The following AIMP1 variants were observed in gnomAD, a reference collection of about 807,000 sequenced individuals.
The protein encoded by AIMP1 is aminoacyl tRNA synthetase complex interacting multifunctional protein 1, also known as aminoacyl tRNA synthase complex-interacting multifunctional protein 1.
AIMP1 carries 24 observed loss-of-function variants against 33.1 expected under a neutral mutation model. That is an observed-to-expected ratio of 0.73 (90% CI 0.53 to 1.02). AIMP1 has a LOEUF of 1.02. Ranked by LOEUF, AIMP1 falls within the 50% of genes least tolerant of loss-of-function variation. The pLI is 0.00. For synonymous variants in AIMP1, 120 were observed against 121.5 expected, an observed-to-expected ratio of 0.99 and a Z score of 0.08; for missense variants, 367 against 364.8, an observed-to-expected ratio of 1.01 and a Z score of -0.05.
chr4:106,331,382 CTTTA>C (rs759364913), intron 4 of AIMP1, among the ~76,000 whole-genome samples: 1 of 152,134 alleles, frequency 6.6e-6, no homozygotes, highest in East Asian at 1.9e-4. Flanking sequence ...TCCAGTAAAA[CTTTA>C]TTTATGAAAA....
In AIMP1 at chr4:106,336,902, C is replaced by T; in HGVS notation, c.637C>T (p.Leu213=). The T allele has an allele frequency of 6.2e-7, 1 of 1,614,006 alleles. No individual in the cohort carries two copies. The highest frequency in any genetic ancestry group is 1.3e-5 in the African/African-American group (1 of 75,018). Residue 213 remains leucine, a synonymous_variant, in exon 6 of 7, where the codon CTG becomes TTG. Coordinates refer to ENST00000672341, the MANE Select transcript of AIMP1 (RefSeq NM_001142416.2). ...QNRMVILLCN[L]KPAKMRGVLS... is the part of the protein sequence containing the mutation. The stretch of plus-strand genomic sequence containing the variant: ...TCGGATGGTGATTTTACTTTGTAAC[C>T]TGAAACCTGCAAAGATGAGGGGAGT...
rs985297234 is a variant in AIMP1 at position 106,337,112 on chromosome 4, A to C, written c.772+75A>C. On this transcript the variant is annotated intron_variant, in intron 6 of 6. Transcript: ENST00000672341. ...GTGATGTTTGTAATGCTTAAAGGTTAAAATCAGTCCTGTGTAAGAATCATG... is the reference window on the plus strand; with the variant it reads ...GTGATGTTTGTAATGCTTAAAGGTTCAAATCAGTCCTGTGTAAGAATCATG... 2.3e-6 allele frequency: 3 copies of C among 1,317,856 alleles called. No individual in the cohort carries two copies. The South Asian group carries it at 3.5e-5, about 16-fold the overall frequency. 81.6% of individuals were successfully genotyped at this position (1,317,856 alleles called of 1,614,324 possible).
chr4:106,323,325 T>A (rs970426254), intron 1 of AIMP1, among the ~76,000 whole-genome samples: 5 of 152,140 alleles, frequency 3.3e-5, no homozygotes, highest in Admixed American at 3.3e-4. Context: ...CATGAGTTTC[T>A]TTTTTTGATT....
intron 3 of AIMP1, 53 bp downstream of exon 3, chr4:106,327,617 C>A: frequency 1.5e-6 from 2 of 1,308,704 alleles, no homozygotes; most frequent in Non-Finnish European, 2.2e-6. Flanking sequence ...GTTGGCCAGT[C>A]ACACCAACAG....
chr4:106,320,184 A>G (rs186088138), intron 1 of AIMP1, among the ~76,000 whole-genome samples: 2 of 152,232 alleles, frequency 1.3e-5, no homozygotes, highest in East Asian at 1.9e-4. Context: ...GAAAAATCAC[A>G]GGGGAGTAAT....
chr4:106,347,629 C>G lies in AIMP1; in HGVS notation c.876C>G (p.Pro292=), dbSNP rs1179072776. Residue 292 remains proline, a synonymous_variant, in exon 7 of 7, where the codon CCC becomes CCG. Transcript: ENST00000672341. ...DECVATYKGV[P]FEVKGKGVCR... ...GTGTGGCTACATACAAAGGAGTTCC[C>G]TTTGAGGTGAAAGGGAAGGGAGTAT... 1.9e-6 allele frequency: 3 copies of G among 1,613,212 alleles called. No homozygotes were observed. The African/African-American group carries it at 4.0e-5, about 22-fold the overall frequency.
intron 1 of AIMP1, among the ~76,000 whole-genome samples, chr4:106,324,054 A>G (rs913779640): frequency 6.6e-6 from 1 of 152,050 alleles, no homozygotes; most frequent in East Asian, 1.9e-4. Flanking sequence ...TTTTTTATAT[A>G]GGATTGGTAT....
intron 1 of AIMP1, among the ~76,000 whole-genome samples, chr4:106,324,221 T>C (rs1769375991): frequency 6.6e-6 from 1 of 152,058 alleles, no homozygotes; most frequent in Non-Finnish European, 1.5e-5. Context: ...AATTATAAAT[T>C]CTTGTTAAAT....
At chr4:106,323,780 G>C (rs1462265828) in intron 1 of AIMP1, among the ~76,000 whole-genome samples, 2 of 152,016 alleles carry the variant, frequency 1.3e-5, no homozygotes, top group Non-Finnish European at 2.9e-5. Flanking sequence ...GAATTGGCAA[G>C]TTTTACATCT....
At chr4:106,323,922 A>G (rs1197411688) in intron 1 of AIMP1, among the ~76,000 whole-genome samples, 3 of 152,122 alleles carry the variant, frequency 2.0e-5, no homozygotes, top group Non-Finnish European at 4.4e-5. Flanking sequence ...CTAGAAAACT[A>G]GTATCAGCTA....
chr4:106,343,044 A>G lies in AIMP1; in HGVS notation c.773-4482A>G, dbSNP rs902748269. ...CTCAGCCTCCTAAGTAGCTAGGACT[A>G]TGGGCATGCGCCACCACACCAGGAC... On this transcript the variant is annotated intron_variant, in intron 6 of 6. Transcript: ENST00000672341. Among the ~76,000 whole-genome samples the G allele has an allele frequency of 9.2e-5, 14 of 151,808 alleles. No homozygotes were observed. The East Asian group carries it at 2.5e-3, about 27-fold the overall frequency.
chr4:106,343,074 T>C (rs1770160243), intron 6 of AIMP1, among the ~76,000 whole-genome samples: 1 of 152,106 alleles, frequency 6.6e-6, no homozygotes, highest in Non-Finnish European at 1.5e-5. Context: ...CAGGACTTTT[T>C]TTAATTGGTA....
At chr4:106,322,988 A>C (rs1769322597) in intron 1 of AIMP1, among the ~76,000 whole-genome samples, 2 of 152,208 alleles carry the variant, frequency 1.3e-5, no homozygotes, top group East Asian at 3.9e-4. Context: ...TGTCTCAAAA[A>C]AAAAAAAAAA....
At chr4:106,336,736 A>C in intron 5 of AIMP1, 133 bp from the exon 6 acceptor site, 1 of 874,424 alleles carries the variant, frequency 1.1e-6, no homozygotes, top group South Asian at 1.4e-5. Flanking sequence ...GACTTTGGGC[A>C]CACAAAGACA....
chr4:106,326,285 G>A (rs1054797869), intron 2 of AIMP1, among the ~76,000 whole-genome samples: 5 of 151,976 alleles, frequency 3.3e-5, no homozygotes, highest in African/African-American at 4.8e-5. Context: ...ATTATTAATA[G>A]GATTTTTACT....
At chr4:106,324,643 G>A (rs1769393033) in intron 1 of AIMP1, among the ~76,000 whole-genome samples, 2 of 151,978 alleles carry the variant, frequency 1.3e-5, no homozygotes, top group South Asian at 4.1e-4. Context: ...TTGGAACACA[G>A]ATGTAATACT....
At chr4:106,318,882 C>A (rs1365966087) in intron 1 of AIMP1, among the ~76,000 whole-genome samples, 2 of 151,860 alleles carry the variant, frequency 1.3e-5, no homozygotes, top group African/African-American at 4.8e-5. Context: ...AGAAGTCTGT[C>A]AATAAATAAT....
At position 106,347,562 on chromosome 4, in the gene AIMP1, T is replaced by C; in HGVS notation, c.809T>C (p.Ile270Thr). 2.5e-6 allele frequency: 4 copies of C among 1,613,128 alleles called. No individual in the cohort carries two copies. The highest frequency in any genetic ancestry group is 3.4e-6 in the Non-Finnish European group (4 of 1,179,500). ...AAGGAGCTGAATCCTAAGAAGAAGA[T>C]TTGGGAGCAGATCCAGCCTGATCTT... ...PDKELNPKKK[I>T]WEQIQPDLHT... Residue 270 changes from isoleucine (I) to threonine (T), a missense_variant, in exon 7 of 7, where the codon ATT becomes ACT. Transcript: ENST00000672341.
intron 1 of AIMP1, among the ~76,000 whole-genome samples, chr4:106,319,025 TGTATA>T (rs1412701016): frequency 2.0e-5 from 3 of 152,154 alleles, no homozygotes; most frequent in Admixed American, 6.5e-5. Context: ...TTAGATTTCT[TGTATA>T]GTATTTAAAG....
Sources: allele counts gnomAD v4.1 joint callset (sites outside exome capture counted in the v4.1 genomes callset), GRCh38; gene constraint gnomAD v4.1.1; transcripts MANE v1.5; gene names NCBI Gene and HGNC (gene_info 2026-07-23, HGNC 2026-07-21).